ZNF420: variants seen among roughly 807,000 people sequenced by gnomAD.
The protein encoded by ZNF420 is zinc finger protein 420.
Under a neutral mutation model 44.7 loss-of-function variants are expected in ZNF420, and 31 were observed. The ratio of observed to expected loss-of-function variants is 0.69; its 90% CI spans 0.52 to 0.94. The LOEUF (loss-of-function observed/expected upper bound fraction) is 0.94. Ranked by LOEUF, ZNF420 falls within the 40% of genes least tolerant of loss-of-function variation. ZNF420 has a pLI of 0.00. For synonymous variants in ZNF420, 245 were observed against 267.4 expected, an observed-to-expected ratio of 0.92 and a Z score of 0.82; for missense variants, 681 against 827.9, an observed-to-expected ratio of 0.82 and a Z score of 2.18.
intron 4 of ZNF420, among the ~76,000 whole-genome samples, chr19:37,104,107 T>C (rs1021622508): frequency 8.6e-5 from 13 of 151,926 alleles, no homozygotes; most frequent in South Asian, 2.1e-4. Context: ...ATTAGGTATA[T>C]CTCCTAATGC....
At chr19:37,094,478 G>T (rs184916264) in intron 4 of ZNF420, among the ~76,000 whole-genome samples, 1 of 152,016 alleles carries the variant, frequency 6.6e-6, no homozygotes, top group Non-Finnish European at 1.5e-5. Context: ...TTTATTGATT[G>T]TAATTGTGTC....
intron 4 of ZNF420, among the ~76,000 whole-genome samples, chr19:37,117,172 AC>A (rs200448810): frequency 0.076 from 11,576 of 152,078 alleles, 461 homozygotes; most frequent in East Asian, 0.17. Context: ...TGGGTCCCTG[AC>A]CCCCGAGCAG....
intron 4 of ZNF420, among the ~76,000 whole-genome samples, chr19:37,100,382 G>A (rs1969700317): frequency 6.6e-6 from 1 of 152,046 alleles, no homozygotes; most frequent in South Asian, 2.1e-4. Flanking sequence ...TTCAAGTCAT[G>A]GAGTTTGATG....
chr19:37,099,220 A>G (rs1969624934), intron 4 of ZNF420, among the ~76,000 whole-genome samples: 1 of 152,084 alleles, frequency 6.6e-6, no homozygotes, highest in Non-Finnish European at 1.5e-5. Context: ...GTTGGATCAT[A>G]TGGTAGTTCT....
chr19:37,079,034 G>C (rs1436874044), intron 1 of ZNF420, among the ~76,000 whole-genome samples: 1 of 152,064 alleles, frequency 6.6e-6, no homozygotes, highest in Non-Finnish European at 1.5e-5. Context: ...TACTGGGTTG[G>C]GTGACTGTCT....
intron 1 of ZNF420, among the ~76,000 whole-genome samples, chr19:37,073,106 A>G (rs957827692): frequency 2.0e-5 from 3 of 152,214 alleles, no homozygotes; most frequent in Admixed American, 2.0e-4. Flanking sequence ...GTACTTTGGG[A>G]GGCTGAGGGA....
intron 1 of ZNF420, among the ~76,000 whole-genome samples, chr19:37,051,743 G>GTT (rs1241913122): frequency 1.3e-5 from 2 of 151,996 alleles, no homozygotes; most frequent in Non-Finnish European, 2.9e-5. Flanking sequence ...GATCTTAGGT[G>GTT]TTTCTTGCCT....
chr19:37,059,462 G>T (rs1261722662), intron 1 of ZNF420, among the ~76,000 whole-genome samples: 1 of 152,258 alleles, frequency 6.6e-6, no homozygotes, highest in Non-Finnish European at 1.5e-5. Context: ...GCAGTGCTTG[G>T]CTGTCGGGGC....
At chr19:37,081,111 T>C (rs1182055202) in intron 2 of ZNF420, among the ~76,000 whole-genome samples, 1 of 151,874 alleles carries the variant, frequency 6.6e-6, no homozygotes, top group Non-Finnish European at 1.5e-5. Context: ...TTATTCTACC[T>C]TCAGTTCAAA....
At chr19:37,059,613 C>T (rs370623294) in intron 1 of ZNF420, among the ~76,000 whole-genome samples, 1 of 152,110 alleles carries the variant, frequency 6.6e-6, no homozygotes, top group African/African-American at 2.4e-5. Context: ...CAGGCCTGCC[C>T]GGACGTGTTA....
At chr19:37,036,046 T>C (rs1967348642) in intron 1 of ZNF420, among the ~76,000 whole-genome samples, 1 of 152,194 alleles carries the variant, frequency 6.6e-6, no homozygotes, top group South Asian at 2.1e-4. Flanking sequence ...TCCCTTCTGG[T>C]AAGATTATCT....
At chr19:37,112,311 T>C (rs1256020191) in intron 4 of ZNF420, among the ~76,000 whole-genome samples, 1 of 152,134 alleles carries the variant, frequency 6.6e-6, no homozygotes, top group African/African-American at 2.4e-5. Context: ...GGGGCAGGCA[T>C]AGTGATTTCC....
intron 4 of ZNF420, among the ~76,000 whole-genome samples, chr19:37,105,891 G>A (rs539857664): frequency 6.6e-6 from 1 of 152,310 alleles, no homozygotes; most frequent in African/African-American, 2.4e-5. Context: ...TGTATCCTGA[G>A]ACTTTGCTGA....
intron 1 of ZNF420, among the ~76,000 whole-genome samples, chr19:37,055,707 C>T (rs115622482): frequency 0.019 from 2,879 of 152,280 alleles, 89 homozygotes; most frequent in African/African-American, 0.062. Flanking sequence ...AGGAGCCGTC[C>T]GTGGCAGTGC....
chr19:37,011,041 A>T (rs970091707), intron 1 of ZNF420, among the ~76,000 whole-genome samples: 2 of 152,192 alleles, frequency 1.3e-5, no homozygotes, highest in African/African-American at 4.8e-5. Flanking sequence ...TCCTCCCCTC[A>T]GCCTGTGGCG....
At chr19:37,014,441 G>A (rs2074594530) in intron 1 of ZNF420, among the ~76,000 whole-genome samples, 1 of 152,180 alleles carries the variant, frequency 6.6e-6, no homozygotes, top group South Asian at 2.1e-4. Flanking sequence ...AATCGGAGCA[G>A]AAGAGCAGTC....
intron 1 of ZNF420, among the ~76,000 whole-genome samples, chr19:37,054,026 C>T (rs1043776694): frequency 2.6e-5 from 4 of 152,216 alleles, no homozygotes; most frequent in African/African-American, 4.8e-5. Context: ...GCTTCCCAGC[C>T]GCTTTGTTCA....
chr19:37,054,051 G>A (rs886107825), intron 1 of ZNF420, among the ~76,000 whole-genome samples: 3 of 152,196 alleles, frequency 2.0e-5, no homozygotes, highest in Admixed American at 6.5e-5. Context: ...CTGACGCCTT[G>A]GCAATGGCTG....
intron 4 of ZNF420, among the ~76,000 whole-genome samples, chr19:37,115,342 C>T (rs906261796): frequency 1.3e-5 from 2 of 152,066 alleles, no homozygotes; most frequent in East Asian, 1.9e-4. Flanking sequence ...GGAGGACCCG[C>T]GCCAGCACTG....
Sources: gnomAD v4.1 joint callset for allele counts (sites outside exome capture counted in the v4.1 genomes callset) on GRCh38, gnomAD v4.1.1 for gene constraint, MANE v1.5 for transcripts, NCBI Gene and HGNC (gene_info 2026-07-23, HGNC 2026-07-21) for gene names.